Variants in SUMF1 observed in about 807,000 individuals in gnomAD.
SUMF1 encodes the protein formylglycine-generating enzyme.
SUMF1 carries 48 observed loss-of-function variants against 47.6 expected under a neutral mutation model. The ratio of observed to expected loss-of-function variants is 1.01; its 90% confidence interval spans 0.80 to 1.28. SUMF1 has a LOEUF of 1.28. Ranked by LOEUF, SUMF1 falls within the 50% of genes most tolerant of loss-of-function variation. SUMF1 has a pLI of 0.00. For missense variants in SUMF1, 571 were observed against 485.4 expected, an observed-to-expected ratio of 1.18 and a Z score of -1.66; for synonymous variants, 230 against 192.1, an observed-to-expected ratio of 1.20 and a Z score of -1.63.
chr3:4,272,088 T>G (rs987221489), intron 8 of SUMF1, among the ~76,000 whole-genome samples: 3 of 152,216 alleles, frequency 2.0e-5, no homozygotes, highest in Admixed American at 6.5e-5. Context: ...GGACTGGAAT[T>G]TGGCTTCAGG....
intron 8 of SUMF1, among the ~76,000 whole-genome samples, chr3:4,230,452 G>C (rs1347418203): frequency 6.6e-6 from 1 of 152,074 alleles, no homozygotes; most frequent in African/African-American, 2.4e-5. Flanking sequence ...GGCAACACTT[G>C]ACTTATATTT....
At chr3:4,214,742 C>G (rs969787395) in intron 8 of SUMF1, among the ~76,000 whole-genome samples, 3 of 152,072 alleles carry the variant, frequency 2.0e-5, no homozygotes, top group South Asian at 2.1e-4. Context: ...GAAATCCAAA[C>G]CACCATCAGA....
intron 8 of SUMF1, among the ~76,000 whole-genome samples, chr3:4,315,635 A>T (rs1439563526): frequency 1.3e-5 from 2 of 152,220 alleles, no homozygotes; most frequent in Non-Finnish European, 2.9e-5. Flanking sequence ...TGTTTGCTTC[A>T]TTGCCATATT....
chr3:4,058,469 G>C (rs1378780906), intron 9 of SUMF1, among the ~76,000 whole-genome samples: 1 of 152,094 alleles, frequency 6.6e-6, no homozygotes, highest in African/African-American at 2.4e-5. Flanking sequence ...ATACCAAAGG[G>C]ACAACATAAG....
chr3:4,404,291 A>C (rs144380430), intron 7 of SUMF1, among the ~76,000 whole-genome samples: 73 of 152,342 alleles, frequency 4.8e-4, no homozygotes, highest in African/African-American at 1.6e-3. Context: ...CAAAAGGCTG[A>C]TATTTTGATC....
At chr3:4,057,650 T>C (rs909604144) in intron 9 of SUMF1, among the ~76,000 whole-genome samples, 3 of 152,072 alleles carry the variant, frequency 2.0e-5, no homozygotes, top group Admixed American at 2.0e-4. Context: ...TTACATGGTA[T>C]ACTTAGCAAA....
chr3:4,178,083 C>T (rs374055539), intron 8 of SUMF1, among the ~76,000 whole-genome samples: 3 of 152,012 alleles, frequency 2.0e-5, no homozygotes, highest in Non-Finnish European at 4.4e-5. Context: ...CAGGACCAGA[C>T]AGATTCACAG....
At chr3:4,165,403 T>G (rs1186517893) in intron 8 of SUMF1, among the ~76,000 whole-genome samples, 2 of 151,990 alleles carry the variant, frequency 1.3e-5, no homozygotes, top group African/African-American at 4.8e-5. Context: ...TGTGGTCCCT[T>G]GGAGATTTCT....
intron 8 of SUMF1, among the ~76,000 whole-genome samples, chr3:4,306,394 A>G (rs1698192350): frequency 6.7e-6 from 1 of 148,782 alleles, no homozygotes; most frequent in South Asian, 2.1e-4. Flanking sequence ...AAATACGTCT[A>G]TTTTTAAAAG....
chr3:4,056,216 G>C (rs9846131), intron 9 of SUMF1, among the ~76,000 whole-genome samples: 54 of 152,232 alleles, frequency 3.5e-4, no homozygotes, highest in African/African-American at 1.3e-3. Context: ...ATTCTGCCTA[G>C]CAGAGTTGTC....
chr3:4,412,457 C>A (rs2125015084), intron 6 of SUMF1, among the ~76,000 whole-genome samples: 1 of 152,226 alleles, frequency 6.6e-6, no homozygotes, highest in South Asian at 2.1e-4. Context: ...CAGGCATAAA[C>A]AACTTTTTCA....
At position 4,142,980 on chromosome 3, in the gene SUMF1, G is replaced by A. The variant is rs77079207; in HGVS notation, c.1015-74235C>T. ...AGACTCAATCAATAGAAATGTGAAA[G>A]CAGTCACCTCCAAGACAAAGAATAC... On this transcript the variant is annotated intron_variant and NMD_transcript_variant, in intron 8 of 12. Coordinates refer to the SUMF1 transcript ENST00000448413. Among the ~76,000 whole-genome samples the A allele has an allele frequency of 9.9e-4, 151 of 152,130 alleles. 4 individuals carry two copies. The East Asian group carries it at 0.024, about 24-fold the overall frequency.
At chr3:4,237,860 C>A (rs896247730) in intron 8 of SUMF1, among the ~76,000 whole-genome samples, 13 of 152,106 alleles carry the variant, frequency 8.5e-5, no homozygotes, top group African/African-American at 1.4e-4. Flanking sequence ...ATACATGTGC[C>A]ATGGTGATTT....
chr3:4,331,443 G>A (rs550511184), intron 8 of SUMF1, among the ~76,000 whole-genome samples: 1 of 152,068 alleles, frequency 6.6e-6, no homozygotes, highest in South Asian at 2.1e-4. Context: ...AAACCTTGGA[G>A]GTAAGCCGTT....
intron 3 of SUMF1, among the ~76,000 whole-genome samples, chr3:4,429,960 AT>A (rs1402810009): frequency 6.6e-6 from 1 of 152,184 alleles, no homozygotes; most frequent in Non-Finnish European, 1.5e-5. Context: ...CTTTTAAAGG[AT>A]TTTAAAAGTA....
At chr3:4,359,237 G>C (rs1699688781), downstream of SUMF1, among the ~76,000 whole-genome samples, 1 of 152,166 alleles carries the variant, frequency 6.6e-6, no homozygotes, top group South Asian at 2.1e-4. Context: ...TGGTAACCCA[G>C]ACATGTAGTT....
intron 8 of SUMF1, among the ~76,000 whole-genome samples, chr3:4,132,590 G>A (rs1693818288): frequency 6.6e-6 from 1 of 152,060 alleles, no homozygotes; most frequent in Admixed American, 6.5e-5. Context: ...CAAAATTTTT[G>A]CTTCCTGTTT....
intron 8 of SUMF1, among the ~76,000 whole-genome samples, chr3:4,083,391 C>A: frequency 6.6e-6 from 1 of 152,138 alleles, no homozygotes; most frequent in Non-Finnish European, 1.5e-5. Flanking sequence ...GATCACCACC[C>A]TTCAATGCCC....
chr3:4,237,399 T>C (rs945246543), intron 8 of SUMF1, among the ~76,000 whole-genome samples: 1 of 152,170 alleles, frequency 6.6e-6, no homozygotes, highest in Non-Finnish European at 1.5e-5. Context: ...CATATTTTCT[T>C]ATGCTTATTT....
Sources: allele counts gnomAD v4.1 joint callset (sites outside exome capture counted in the v4.1 genomes callset), GRCh38; gene constraint gnomAD v4.1.1; transcripts MANE v1.5; gene names NCBI Gene and HGNC (gene_info 2026-07-23, HGNC 2026-07-21).